MRPS6: variants seen among roughly 807,000 people sequenced by gnomAD.
The protein encoded by MRPS6 is small ribosomal subunit protein bS6m.
Under a neutral mutation model 13.1 loss-of-function variants are expected in MRPS6, and 6 were observed. That is an observed-to-expected ratio of 0.46 (90% CI 0.25 to 0.91). MRPS6 has a LOEUF of 0.91. MRPS6 is among the 40% of genes least tolerant of loss of function. The probability of loss-of-function intolerance (pLI) is 0.18; values close to 1 mark genes in which losing one functional copy is unlikely to be tolerated. For synonymous variants in MRPS6, 61 were observed against 56.5 expected (o/e 1.08, Z -0.36); for missense variants, 164 against 155.6 (o/e 1.05, Z -0.29).
chr21:34,115,287 G>A (rs968242256), intron 1 of MRPS6, among the ~76,000 whole-genome samples: 1 of 152,134 alleles, frequency 6.6e-6, no homozygotes, highest in African/African-American at 2.4e-5. Context: ...ACTTCTTAAT[G>A]TTGGATTTCC....
chr21:34,137,946 G>A (rs1026775398), intron 2 of MRPS6, among the ~76,000 whole-genome samples: 4 of 151,940 alleles, frequency 2.6e-5, no homozygotes, highest in Non-Finnish European at 5.9e-5. Flanking sequence ...TTGGGATAAA[G>A]CCTGCTTGGT....
chr21:34,077,059 C>T (rs1014928322), intron 1 of MRPS6, among the ~76,000 whole-genome samples: 1 of 152,120 alleles, frequency 6.6e-6, no homozygotes, highest in East Asian at 1.9e-4. Context: ...TCCACCCTGC[C>T]CCCCCTGCAA....
At position 34,073,897 on chromosome 21, in the gene MRPS6, G is replaced by C. The variant is rs1156543073; in HGVS notation, c.45+152G>C. The C allele has an allele frequency of 1.2e-4, 27 of 233,048 alleles. No homozygotes were observed. The East Asian group carries it at 4.8e-3, about 41-fold the overall frequency. The allele number at this position is 233,048 out of a possible 1,614,324, so 14.4% of individuals were successfully genotyped here. ...CGGCGGGCGGGCGGCGGGCGTCCGCGGGAAGGGGGCGCGCGTGGGCCGGCC... is the reference window on the plus strand; with the variant it reads ...CGGCGGGCGGGCGGCGGGCGTCCGCCGGAAGGGGGCGCGCGTGGGCCGGCC... On this transcript the variant is annotated intron_variant, in intron 1 of 2. Coordinates refer to ENST00000399312, the MANE Select transcript of MRPS6 (RefSeq NM_032476.4).
At chr21:34,140,643 T>G (rs778540417) in intron 2 of MRPS6, among the ~76,000 whole-genome samples, 1 of 152,364 alleles carries the variant, frequency 6.6e-6, no homozygotes. Flanking sequence ...TTCTATCGAT[T>G]ACTGAAAGAG....
chr21:34,100,016 A>G, intron 1 of MRPS6: 3 of 851,636 alleles, frequency 3.5e-6, no homozygotes, highest in Non-Finnish European at 4.3e-6. Flanking sequence ...CAAAATGTTC[A>G]TACTTTACAC....
intron 1 of MRPS6, among the ~76,000 whole-genome samples, chr21:34,114,369 C>G (rs973586314): frequency 2.6e-5 from 4 of 152,080 alleles, no homozygotes; most frequent in Non-Finnish European, 5.9e-5. Flanking sequence ...TGGAGAAGAT[C>G]ATTGCTTAAA....
At chr21:34,140,747 A>G (rs1300581170) in intron 2 of MRPS6, among the ~76,000 whole-genome samples, 1 of 152,136 alleles carries the variant, frequency 6.6e-6, no homozygotes, top group Non-Finnish European at 1.5e-5. Context: ...TATCTGGTGC[A>G]TGTATATTTA....
intron 1 of MRPS6, chr21:34,097,616 A>T (rs1176854261): frequency 8.4e-7 from 1 of 1,195,928 alleles, no homozygotes; most frequent in Non-Finnish European, 1.0e-6. Flanking sequence ...GTAAGAAGAG[A>T]CCAATTATTC....
At chr21:34,076,448 AACT>A (rs1158973386) in intron 1 of MRPS6, among the ~76,000 whole-genome samples, 1 of 152,180 alleles carries the variant, frequency 6.6e-6, no homozygotes, top group Non-Finnish European at 1.5e-5. Context: ...AGTCATATTG[AACT>A]ATACAGTTGT....
intron 2 of MRPS6, among the ~76,000 whole-genome samples, chr21:34,141,145 G>T (rs1007441269): frequency 1.3e-5 from 2 of 152,128 alleles, no homozygotes; most frequent in Non-Finnish European, 2.9e-5. Flanking sequence ...ACACCATCAC[G>T]GTCAAAGATT....
At chr21:34,115,791 T>G (rs1243474695) in intron 1 of MRPS6, among the ~76,000 whole-genome samples, 2 of 152,114 alleles carry the variant, frequency 1.3e-5, no homozygotes, top group Non-Finnish European at 2.9e-5. Flanking sequence ...TGAAACACGT[T>G]TTAATTGCTC....
intron 1 of MRPS6, among the ~76,000 whole-genome samples, chr21:34,117,992 T>C (rs1308466897): frequency 1.3e-5 from 2 of 152,198 alleles, no homozygotes; most frequent in Non-Finnish European, 2.9e-5. Context: ...AGCCTGACAA[T>C]TAAATGACCA....
At chr21:34,100,987 T>C in intron 1 of MRPS6, 1 of 1,000,158 alleles carries the variant, frequency 1.0e-6, no homozygotes, top group South Asian at 4.7e-5. Flanking sequence ...ATCAGAGGCA[T>C]GATGACTGGA....
At chr21:34,088,554 C>G (rs1047536040) in intron 1 of MRPS6, among the ~76,000 whole-genome samples, 1 of 152,234 alleles carries the variant, frequency 6.6e-6, no homozygotes, top group Non-Finnish European at 1.5e-5. Context: ...TCAAGCACAA[C>G]TTTTTAAACA....
intron 1 of MRPS6, among the ~76,000 whole-genome samples, chr21:34,116,178 TTGTGTGTGTGTGTG>T (rs57694757): frequency 0.039 from 5,528 of 141,370 alleles, 325 homozygotes; most frequent in East Asian, 0.19. Context: ...CCAGCTAATT[TTGTGTGTGTGTGTG>T]TGTGTGTGTG....
intron 2 of MRPS6, among the ~76,000 whole-genome samples, chr21:34,127,385 A>G (rs1045067165): frequency 8.5e-5 from 13 of 152,216 alleles, no homozygotes; most frequent in Non-Finnish European, 1.3e-4. Flanking sequence ...AAGGAGAAGT[A>G]GGGTGTGTGT....
intron 1 of MRPS6, among the ~76,000 whole-genome samples, chr21:34,086,448 TCATTA>T (rs773001392): frequency 9.2e-5 from 14 of 152,180 alleles, no homozygotes; most frequent in Admixed American, 3.3e-4. Context: ...GTGATTTTTC[TCATTA>T]CATTAGTCCT....
intron 1 of MRPS6, among the ~76,000 whole-genome samples, chr21:34,074,008 G>C (rs923233186): frequency 1.4e-5 from 2 of 146,608 alleles, no homozygotes; most frequent in African/African-American, 4.9e-5. Context: ...GCGGCCCGCC[G>C]GGCGGGGGGC....
chr21:34,081,998 C>CA (rs1556002632), intron 1 of MRPS6, among the ~76,000 whole-genome samples: 1 of 149,064 alleles, frequency 6.7e-6, no homozygotes, highest in Non-Finnish European at 1.5e-5. Context: ...GTTTTGCCAG[C>CA]TTTTTTTTTC....
Sources: gnomAD v4.1 joint callset for allele counts (sites outside exome capture counted in the v4.1 genomes callset) on GRCh38, gnomAD v4.1.1 for gene constraint, MANE v1.5 for transcripts, NCBI Gene and HGNC (gene_info 2026-07-23, HGNC 2026-07-21) for gene names.